Variants in FIP1L1 observed in about 807,000 individuals in gnomAD.
The protein encoded by FIP1L1 is pre-mRNA 3'-end-processing factor FIP1.
FIP1L1 carries 21 observed loss-of-function variants against 84.6 expected under a neutral mutation model. That is an observed-to-expected ratio of 0.25 (90% CI 0.18 to 0.36). The LOEUF is 0.36. FIP1L1 is among the 10% of genes least tolerant of loss of function. The pLI, the probability that FIP1L1 is intolerant of heterozygous loss-of-function variation, is 1.00. For missense variants in FIP1L1, 526 were observed against 751.1 expected, an observed-to-expected ratio of 0.70 and a Z score of 3.50; for synonymous variants, 263 against 242.3, an observed-to-expected ratio of 1.09 and a Z score of -0.80.
chr4:53,446,129 C>T (rs904994572), intron 15 of FIP1L1, among the ~76,000 whole-genome samples: 2 of 152,128 alleles, frequency 1.3e-5, no homozygotes, highest in African/African-American at 2.4e-5. Context: ...GCTTGCCATT[C>T]ATTCACTACA....
intron 3 of FIP1L1, among the ~76,000 whole-genome samples, chr4:53,381,753 C>CTTTTTTTTTCTTTTTTT (rs1738064366): frequency 1.1e-5 from 1 of 87,948 alleles, no homozygotes; most frequent in South Asian, 5.0e-4. Context: ...CATTTGCATT[C>CTTTTTTTTTCTTTTTTT]TTTTTTTTTT....
intron 10 of FIP1L1, among the ~76,000 whole-genome samples, chr4:53,414,045 A>G (rs139963474): frequency 7.7e-4 from 118 of 152,316 alleles, no homozygotes; most frequent in African/African-American, 2.7e-3. Flanking sequence ...CAATATTGCA[A>G]ATATCTGAAC....
At chr4:53,386,791 G>C (rs1324075425) in intron 5 of FIP1L1, among the ~76,000 whole-genome samples, 1 of 152,176 alleles carries the variant, frequency 6.6e-6, no homozygotes, top group Non-Finnish European at 1.5e-5. Context: ...TTGCAAGCTT[G>C]TCCAATGCAC....
At position 53,421,166 on chromosome 4, in the gene FIP1L1, C is replaced by T. The variant is rs528500532; in HGVS notation, c.924-4706C>T. Among the ~76,000 whole-genome samples the T allele has an allele frequency of 1.4e-4, 21 of 152,274 alleles. No homozygotes were observed. In the South Asian group the frequency reaches 3.3e-3, roughly 24 times the overall value. On this transcript the variant is annotated intron_variant, in intron 11 of 17. Coordinates refer to ENST00000337488, the MANE Select transcript of FIP1L1 (RefSeq NM_030917.4). ...AAATCAAATGATAGCTAGGCACCTA[C>T]GGTTTTGAAGTAAAATGATAGATGT...
At position 53,391,110 on chromosome 4, in the gene FIP1L1, C is replaced by T. The variant is rs1744012056; in HGVS notation, c.607C>T (p.Pro203Ser). 1 of 1,609,556 alleles carries T rather than the reference C, an allele frequency of 6.2e-7. No homozygotes were observed. The highest frequency in any genetic ancestry group is 8.5e-7 in the Non-Finnish European group (1 of 1,178,380). ...GATACGAATGGGACTTGAAGTTATA[C>T]CAGTAACCTCTACTACAAATAAAAT... ...KRIRMGLEVI[P>S]VTSTTNKITA... is the part of the protein sequence containing the mutation. Residue 203 changes from proline (P) to serine (S), a missense_variant, in exon 8 of 18, where the codon CCA (proline) becomes TCA (serine). Around this residue, in one of 6 missense-constraint regions of FIP1L1, gnomAD observed 169 missense variants for 206.9 expected, o/e 0.82. Transcript: ENST00000337488.
intron 10 of FIP1L1, among the ~76,000 whole-genome samples, chr4:53,407,745 G>T (rs1754511873): frequency 6.6e-6 from 1 of 152,218 alleles, no homozygotes; most frequent in South Asian, 2.1e-4. Flanking sequence ...TTAGCATTAT[G>T]TAATGGCCTT....
Position 53,399,716 on chromosome 4 carries a change from C to CT in FIP1L1, c.706-4dup, listed in dbSNP as rs369079997. On this transcript the variant is annotated splice_polypyrimidine_tract_variant and intron_variant, in intron 9 of 17. Transcript: ENST00000337488. ...CTGTTAAATTCAACAAGCTAATAAC[C>CT]TTTTTTTTTTAAGGTACAGCAGGGA... 0.022 allele frequency: 26,482 copies of CT among 1,218,940 alleles called. 20 individuals carry two copies. Among genetic ancestry groups the CT allele is most frequent in the Non-Finnish European group, 0.025 (21,844 of 884,484 alleles). 75.5% of individuals were successfully genotyped at this position (1,218,940 alleles called of 1,614,324 possible). A position where few individuals can be genotyped will look rare whatever the true frequency, so the allele number is the denominator to read the frequency against.
chr4:53,377,889 C>T lies in FIP1L1; in HGVS notation c.51C>T (p.Thr17=), dbSNP rs1196626750. 6.2e-7 allele frequency: 1 copy of T among 1,601,382 alleles called. No individual in the cohort carries two copies. ...TAGTGTCGGAGCTGAGCGGCGGGAC[C>T]GGAGGGGATGAGGAGGAAGAGTGGC... is the stretch of plus-strand genomic sequence containing the variant. ...ERLVSELSGG[T]GGDEEEEWLY... Residue 17 remains threonine, a synonymous_variant, in exon 1 of 18, where the codon ACC becomes ACT. Coordinates refer to ENST00000337488, the MANE Select transcript of FIP1L1 (RefSeq NM_030917.4).
intron 10 of FIP1L1, among the ~76,000 whole-genome samples, chr4:53,410,606 A>C (rs1756709765): frequency 6.6e-6 from 1 of 152,166 alleles, no homozygotes; most frequent in Admixed American, 6.5e-5. Context: ...CCATAGTCTA[A>C]AATAAACATA....
At chr4:53,449,707 C>A (rs745402725) in intron 15 of FIP1L1, among the ~76,000 whole-genome samples, 5 of 152,022 alleles carry the variant, frequency 3.3e-5, no homozygotes, top group Non-Finnish European at 5.9e-5. Flanking sequence ...ATGATCTGTA[C>A]CTTCACTCAC....
intron 13 of FIP1L1, among the ~76,000 whole-genome samples, chr4:53,428,935 G>A (rs1328880579): frequency 6.6e-6 from 1 of 152,160 alleles, no homozygotes; most frequent in Non-Finnish European, 1.5e-5. Flanking sequence ...CCTCATCAGG[G>A]CAACATGAAA....
In FIP1L1 at chr4:53,399,855, A is replaced by G. The variant is rs1392277602; in HGVS notation, c.815+16A>G. 2.0e-6 allele frequency: 3 copies of G among 1,477,132 alleles called. No individual in the cohort carries two copies. The highest frequency in any genetic ancestry group is 2.3e-5 in the East Asian group (1 of 44,178). The allele number at this position is 1,477,132 out of a possible 1,614,324, so 91.5% of individuals were successfully genotyped here. ...CACCGAGCAGGTTAGTTACATAGTT[A>G]TAACTCAATTACTGTACGACATTGG... is the stretch of plus-strand genomic sequence containing the variant. On this transcript the variant is annotated intron_variant, in intron 10 of 17. Coordinates refer to ENST00000337488, the MANE Select transcript of FIP1L1 (RefSeq NM_030917.4).
At chr4:53,387,557 C>G (rs192284990) in intron 5 of FIP1L1, among the ~76,000 whole-genome samples, 3 of 152,240 alleles carry the variant, frequency 2.0e-5, no homozygotes, top group Non-Finnish European at 4.4e-5. Flanking sequence ...TTTGCCTCTG[C>G]AATTTTTCAT....
At chr4:53,448,134 GTTTT>G (rs1280948447) in intron 15 of FIP1L1, among the ~76,000 whole-genome samples, 2 of 152,000 alleles carry the variant, frequency 1.3e-5, no homozygotes. Flanking sequence ...CCCAGAAAAA[GTTTT>G]CAAGTTTTGC....
At chr4:53,415,055 C>T (rs17082726) in intron 11 of FIP1L1, among the ~76,000 whole-genome samples, 19,684 of 151,966 alleles carry the variant, frequency 0.13, 2,540 homozygotes, top group African/African-American at 0.32. Context: ...GTGCTTTTCA[C>T]TACTTATCGA....
At chr4:53,437,352 A>AG (rs1769804919) in intron 13 of FIP1L1, among the ~76,000 whole-genome samples, 3 of 139,778 alleles carry the variant, frequency 2.1e-5, no homozygotes, top group East Asian at 2.2e-4. Flanking sequence ...AAAAAAAAAA[A>AG]AGAGAGAGAA....
rs1055944745 is a variant in FIP1L1, at chr4:53,459,923, C to T, written c.*474C>T. The T allele has an allele frequency of 4.6e-6, 1 of 219,042 alleles. No individual in the cohort carries two copies. The highest frequency in any genetic ancestry group is 9.2e-6 in the Non-Finnish European group (1 of 109,034). The allele number at this position is 219,042 out of a possible 1,614,324, so 13.6% of individuals were successfully genotyped here. Reference sequence around the variant, plus strand: ...TGCTTAGTATATTAAGAGACTCATACATTTTTGATATCACAACTTTTTGAT... The same window carrying T: ...TGCTTAGTATATTAAGAGACTCATATATTTTTGATATCACAACTTTTTGAT... On this transcript the variant is annotated 3_prime_UTR_variant, in exon 18 of 18. Coordinates refer to ENST00000337488, the MANE Select transcript of FIP1L1 (RefSeq NM_030917.4).
chr4:53,415,599 T>C (rs1274182098), intron 11 of FIP1L1, among the ~76,000 whole-genome samples: 3 of 151,950 alleles, frequency 2.0e-5, no homozygotes, highest in Non-Finnish European at 4.4e-5. Flanking sequence ...TATAAATATG[T>C]TTGCAATTAT....
At chr4:53,400,163 T>C (rs1286826475) in intron 10 of FIP1L1, among the ~76,000 whole-genome samples, 1 of 152,218 alleles carries the variant, frequency 6.6e-6, no homozygotes, top group Non-Finnish European at 1.5e-5. Context: ...CTGTGCTCCC[T>C]ATTCTTACAT....
Sources: gnomAD v4.1 joint callset for allele counts (sites outside exome capture counted in the v4.1 genomes callset) on GRCh38, gnomAD v4.1.1 for gene constraint, gnomAD v4.1.1 regional missense constraint, MANE v1.5 for transcripts, NCBI Gene and HGNC (gene_info 2026-07-23, HGNC 2026-07-21) for gene names.